Variants in NRG1 observed in about 807,000 individuals in gnomAD.
NRG1 encodes the protein pro-neuregulin-1, membrane-bound isoform.
A neutral mutation model predicts 63.8 loss-of-function variants in NRG1; 18 were observed. That is an observed-to-expected ratio of 0.28 (90% CI 0.19 to 0.42). The LOEUF is 0.42. Among genes scored for constraint, NRG1 ranks in the 10% least tolerant of loss-of-function variants. The pLI, the probability that NRG1 is intolerant of heterozygous loss-of-function variation, is 1.00. For synonymous variants in NRG1, 302 were observed against 301.3 expected (o/e 1.00, Z -0.02); for missense variants, 762 against 814.7 (o/e 0.94, Z 0.79).
intron 1 of NRG1, among the ~76,000 whole-genome samples, chr8:32,331,603 G>A (rs1044524846): frequency 2.6e-5 from 4 of 152,150 alleles, no homozygotes; most frequent in Non-Finnish European, 4.4e-5. Context: ...TTTACAAAGA[G>A]AAGGTTATCT....
chr8:32,516,691 T>C (rs991139865), intron 1 of NRG1, among the ~76,000 whole-genome samples: 2 of 152,194 alleles, frequency 1.3e-5, no homozygotes, highest in Non-Finnish European at 2.9e-5. Context: ...TGTGTGGCTA[T>C]TATAAATGGC....
At chr8:32,378,769 G>T (rs7839625) in intron 1 of NRG1, among the ~76,000 whole-genome samples, 2 of 137,106 alleles carry the variant, frequency 1.5e-5, no homozygotes. Flanking sequence ...TCCCTCCCCC[G>T]TCCCCCAACC....
At chr8:32,041,495 G>A (rs541562712) in intron 1 of NRG1, among the ~76,000 whole-genome samples, 29 of 152,296 alleles carry the variant, frequency 1.9e-4, no homozygotes, top group Middle Eastern at 3.4e-3. Flanking sequence ...CCAGGCGTGA[G>A]TTTACCATGT....
At position 31,800,016 on chromosome 8, in the gene NRG1, C is replaced by G. The variant is rs371624230; in HGVS notation, c.37+160585C>G. On this transcript the variant is annotated intron_variant, in intron 1 of 10. Transcript: ENST00000519301. The stretch of plus-strand genomic sequence containing the variant: ...TTGAACCTATACAGGTTAATTGATG[C>G]AATTCTCTTGGAAACATCGTCATCT... 3.3e-4 allele frequency among the ~76,000 whole-genome samples: 51 copies of G among 152,286 alleles called. 2 individuals carry two copies. The highest frequency in any genetic ancestry group is 2.9e-3 in the East Asian group (15 of 5,174).
chr8:31,816,933 A>T (rs1823503693), intron 1 of NRG1, among the ~76,000 whole-genome samples: 1 of 152,220 alleles, frequency 6.6e-6, no homozygotes, highest in Non-Finnish European at 1.5e-5. Flanking sequence ...AAGTTCCAAA[A>T]GGCAGAAGAT....
intron 1 of NRG1, among the ~76,000 whole-genome samples, chr8:32,401,857 A>T (rs1257256338): frequency 1.3e-5 from 2 of 152,118 alleles, no homozygotes; most frequent in Non-Finnish European, 2.9e-5. Flanking sequence ...CTGTATAACA[A>T]ACCTGCATAT....
At chr8:31,790,971 G>T (rs1234761618) in intron 1 of NRG1, among the ~76,000 whole-genome samples, 2 of 152,130 alleles carry the variant, frequency 1.3e-5, no homozygotes, top group Non-Finnish European at 2.9e-5. Context: ...AGCACTTTGG[G>T]AGGCTGAGGT....
intron 1 of NRG1, among the ~76,000 whole-genome samples, chr8:32,277,099 A>G (rs1180208446): frequency 6.6e-6 from 1 of 152,184 alleles, no homozygotes; most frequent in African/African-American, 2.4e-5. Context: ...TGATGCACAT[A>G]TTACTATTGC....
Position 32,698,215 on chromosome 8 carries a change from A to T in NRG1, c.503-29734A>T, listed in dbSNP as rs183274112. ...GAGACTCCATCTCAAAAAAAAAAAA[A>T]ATATATGAAAAGGTAACAGCAATTT... On this transcript the variant is annotated intron_variant, in intron 5 of 11. Coordinates refer to ENST00000356819, the Ensembl canonical transcript of NRG1. 3.3e-3 allele frequency among the ~76,000 whole-genome samples: 505 copies of T among 151,760 alleles called. 3 individuals are homozygous for T. The highest frequency in any genetic ancestry group is 0.01 in the Middle Eastern group (3 of 294).
At chr8:32,763,406 T>C in intron 11 of NRG1, 5 of 1,593,936 alleles carry the variant, frequency 3.1e-6, no homozygotes, top group Non-Finnish European at 2.6e-6. Flanking sequence ...TCCCTGAGCC[T>C]TGGTCCTTAT....
intron 1 of NRG1, among the ~76,000 whole-genome samples, chr8:32,431,743 T>C (rs1007593797): frequency 1.3e-5 from 2 of 152,158 alleles, no homozygotes; most frequent in African/African-American, 2.4e-5. Flanking sequence ...CTCAGGGTTT[T>C]TTTTTTCTGA....
chr8:31,802,258 G>A (rs1821862988), intron 1 of NRG1, among the ~76,000 whole-genome samples: 1 of 152,130 alleles, frequency 6.6e-6, no homozygotes, highest in Non-Finnish European at 1.5e-5. Context: ...TTTCCTCCAT[G>A]TTCTGCTTTC....
At chr8:32,092,454 C>G (rs528294929) in intron 1 of NRG1, among the ~76,000 whole-genome samples, 1 of 123,198 alleles carries the variant, frequency 8.1e-6, no homozygotes, top group Non-Finnish European at 1.7e-5. Flanking sequence ...AGAGCAAGAC[C>G]CTGTCTCAAA....
At chr8:32,387,228 G>C (rs574356362) in intron 1 of NRG1, among the ~76,000 whole-genome samples, 9 of 152,310 alleles carry the variant, frequency 5.9e-5, no homozygotes, top group African/African-American at 1.9e-4. Flanking sequence ...TGACAAGGTA[G>C]TACACAGTTC....
chr8:32,438,014 A>C (rs1484909009), intron 1 of NRG1, among the ~76,000 whole-genome samples: 1 of 152,180 alleles, frequency 6.6e-6, no homozygotes, highest in South Asian at 2.1e-4. Context: ...ACATGCAGCT[A>C]TAAGAAATAA....
chr8:32,027,414 C>CTCCTTCCTTCCTTCCTTCCTTCCT (rs774505431), intron 1 of NRG1, among the ~76,000 whole-genome samples: 1 of 114,078 alleles, frequency 8.8e-6, no homozygotes, highest in African/African-American at 4.3e-5. Context: ...CCTTCCTTCC[C>CTCCTTCCTTCCTTCCTTCCTTCCT]TCCTTCCTTC....
At chr8:32,222,628 A>C (rs1845937905) in intron 1 of NRG1, among the ~76,000 whole-genome samples, 1 of 152,228 alleles carries the variant, frequency 6.6e-6, no homozygotes. Context: ...ATCTTTTCAA[A>C]CCTTTAATGG....
intron 1 of NRG1, among the ~76,000 whole-genome samples, chr8:32,219,035 A>G (rs545361629): frequency 2.0e-5 from 3 of 152,342 alleles, no homozygotes; most frequent in South Asian, 2.1e-4. Context: ...GGTAGTGTGG[A>G]TGAAGAGGCA....
intron 1 of NRG1, among the ~76,000 whole-genome samples, chr8:32,316,294 G>A (rs1345608641): frequency 6.6e-6 from 1 of 152,062 alleles, no homozygotes; most frequent in Non-Finnish European, 1.5e-5. Context: ...TGGCCAACAT[G>A]GTGAAACCCC....
Sources: allele counts gnomAD v4.1 joint callset (sites outside exome capture counted in the v4.1 genomes callset), GRCh38; gene constraint gnomAD v4.1.1; transcripts MANE v1.5; gene names NCBI Gene and HGNC (gene_info 2026-07-23, HGNC 2026-07-21).